Variants in MRTFB observed in about 807,000 individuals in gnomAD.
MRTFB encodes myocardin-related transcription factor B.
In MRTFB, 29 loss-of-function variants were observed where a neutral mutation model predicts 104.2. The observed-to-expected ratio is 0.28, with a 90% CI of 0.21 to 0.38. MRTFB has a LOEUF of 0.38. Ranked by LOEUF, MRTFB falls within the 10% of genes least tolerant of loss-of-function variation. MRTFB has a pLI of 1.00. For synonymous variants in MRTFB, 535 were observed against 519.5 expected (o/e 1.03, Z -0.41); for missense variants, 1,270 against 1,341.6 (o/e 0.95, Z 0.83).
chr16:14,033,741 G>A, the MRTFB span, among the ~76,000 whole-genome samples: 1 of 151,128 alleles, frequency 6.6e-6, no homozygotes, highest in South Asian at 2.1e-4. Flanking sequence ...GGAGTCTGAG[G>A]CAGGAAATTG....
intron 15 of MRTFB, among the ~76,000 whole-genome samples, chr16:14,257,489 C>T (rs1343167620): frequency 1.3e-5 from 2 of 150,918 alleles, no homozygotes; most frequent in Non-Finnish European, 1.5e-5. Context: ...GAAGCTAGTC[C>T]TTCCCCTACC....
chr16:14,144,944 G>A (rs1449625575), intron 3 of MRTFB, among the ~76,000 whole-genome samples: 1 of 126,254 alleles, frequency 7.9e-6, no homozygotes, highest in Non-Finnish European at 1.6e-5. Context: ...GCAAGACTCT[G>A]TCTCAAAAAA....
At chr16:14,070,598 G>A (rs866068472), upstream of MRTFB, among the ~76,000 whole-genome samples, 5 of 152,348 alleles carry the variant, frequency 3.3e-5, no homozygotes, top group African/African-American at 9.6e-5. Context: ...GTAAAGTGAG[G>A]GAGAAGCACT....
rs768312210 is a variant in MRTFB, at chr16:14,263,157, G to A, written c.*1713G>A. Reference sequence around the variant, plus strand: ...AACAGTGCTCATGTGCCTTCCAGACGGTTCAAGGCAGAGGCCACTGTGCTC... The same window carrying A: ...AACAGTGCTCATGTGCCTTCCAGACAGTTCAAGGCAGAGGCCACTGTGCTC... On this transcript the variant is annotated 3_prime_UTR_variant, in exon 17 of 17. Transcript: ENST00000571589. 3.3e-5 allele frequency: 5 copies of A among 152,348 alleles called. No homozygotes were observed. The highest frequency in any genetic ancestry group is 1.2e-4 in the African/African-American group (5 of 41,572). 9.4% of individuals were successfully genotyped at this position (152,348 alleles called of 1,614,324 possible).
chr16:14,136,215 A>C (rs1232602004), intron 2 of MRTFB, among the ~76,000 whole-genome samples: 1 of 152,026 alleles, frequency 6.6e-6, no homozygotes, highest in Admixed American at 6.6e-5. Flanking sequence ...TGGAGGCTGC[A>C]GTGAGCCAAG....
At chr16:14,028,686 C>T in the MRTFB span, among the ~76,000 whole-genome samples, 1 of 152,208 alleles carries the variant, frequency 6.6e-6, no homozygotes, top group Non-Finnish European at 1.5e-5. Context: ...GTCCCAACCG[C>T]AACTTCCTAG....
At chr16:14,113,643 G>T (rs1255871282) in intron 2 of MRTFB, among the ~76,000 whole-genome samples, 1 of 152,120 alleles carries the variant, frequency 6.6e-6, no homozygotes, top group South Asian at 2.1e-4. Context: ...AGGAATTCCA[G>T]CTCCTAGCTC....
chr16:14,209,583 C>G (rs7193904), intron 3 of MRTFB, among the ~76,000 whole-genome samples: 24,860 of 152,044 alleles, frequency 0.16, 5,095 homozygotes, highest in African/African-American at 0.48. Context: ...CTGGATGTCT[C>G]CATTTCATAA....
At chr16:14,015,983 T>C in the MRTFB span, 10 of 398,546 alleles carry the variant, frequency 2.5e-5, no homozygotes, top group Middle Eastern at 1.2e-3. Context: ...CAATCCTTCA[T>C]GTTTAATTGC....
At chr16:14,172,111 AC>A (rs1848717326) in intron 3 of MRTFB, among the ~76,000 whole-genome samples, 1 of 151,754 alleles carries the variant, frequency 6.6e-6, no homozygotes. Flanking sequence ...GAGAAGTGTC[AC>A]TCCTCACCTT....
At chr16:14,217,072 A>C in intron 6 of MRTFB, 54 bp from the exon 7 acceptor site, 1 of 1,515,610 alleles carries the variant, frequency 6.6e-7, no homozygotes, top group East Asian at 2.3e-5. Flanking sequence ...AAATAACATT[A>C]TGGAATAGAA....
chr16:14,086,809 T>A (rs898154992), intron 2 of MRTFB, among the ~76,000 whole-genome samples: 1 of 152,184 alleles, frequency 6.6e-6, no homozygotes, highest in Non-Finnish European at 1.5e-5. Flanking sequence ...AATTAAGGCT[T>A]TATTATTTAT....
At chr16:14,121,997 G>A (rs2036867706) in intron 2 of MRTFB, among the ~76,000 whole-genome samples, 1 of 152,126 alleles carries the variant, frequency 6.6e-6, no homozygotes, top group Admixed American at 6.5e-5. Context: ...CTCTCTACCA[G>A]CCTCCTGACT....
At chr16:14,260,156 A>T (rs1201440223) in intron 16 of MRTFB, among the ~76,000 whole-genome samples, 1 of 152,240 alleles carries the variant, frequency 6.6e-6, no homozygotes, top group African/African-American at 2.4e-5. Context: ...CAAATCATCA[A>T]AATTTTATAT....
intron 8 of MRTFB, among the ~76,000 whole-genome samples, chr16:14,231,210 C>T (rs1267536031): frequency 6.6e-6 from 1 of 151,176 alleles, no homozygotes; most frequent in African/African-American, 2.4e-5. Context: ...GTGCAGCACA[C>T]CAACATGGCA....
intron 3 of MRTFB, among the ~76,000 whole-genome samples, chr16:14,181,136 C>T (rs2039756101): frequency 6.6e-6 from 1 of 152,028 alleles, no homozygotes; most frequent in African/African-American, 2.4e-5. Flanking sequence ...CCATAAAGAA[C>T]TTTAAAGACA....
At chr16:14,145,021 C>T (rs1393859293) in intron 3 of MRTFB, among the ~76,000 whole-genome samples, 1 of 146,394 alleles carries the variant, frequency 6.8e-6, no homozygotes, top group African/African-American at 2.5e-5. Flanking sequence ...TAACTTTTGT[C>T]AGTTTCAAAA....
At chr16:14,147,636 T>G (rs1447856665) in intron 3 of MRTFB, among the ~76,000 whole-genome samples, 3 of 152,210 alleles carry the variant, frequency 2.0e-5, no homozygotes, top group African/African-American at 7.2e-5. Context: ...TTCTCCCGTT[T>G]GTAGCTGGCA....
At chr16:14,070,306 G>A (rs980700905), upstream of MRTFB, among the ~76,000 whole-genome samples, 10 of 152,212 alleles carry the variant, frequency 6.6e-5, no homozygotes, top group Non-Finnish European at 1.0e-4. Context: ...AGGATTGCAA[G>A]AAGATTGGTA....
Sources: gnomAD v4.1 joint callset for allele counts (sites outside exome capture counted in the v4.1 genomes callset) on GRCh38, gnomAD v4.1.1 for gene constraint, MANE v1.5 for transcripts, NCBI Gene and HGNC (gene_info 2026-07-23, HGNC 2026-07-21) for gene names.